Variants in KCNH6 observed in about 807,000 individuals in gnomAD.
KCNH6 encodes potassium voltage-gated channel subfamily H member 6, also known as voltage-gated inwardly rectifying potassium channel KCNH6.
KCNH6 carries 81 observed loss-of-function variants against 83.4 expected under a neutral mutation model. That is an observed-to-expected ratio of 0.97 (90% confidence interval 0.81 to 1.17). The LOEUF (loss-of-function observed/expected upper bound fraction) is 1.17, where lower values mean the gene tolerates loss of function less well. Ranked by LOEUF, KCNH6 falls within the 50% of genes most tolerant of loss-of-function variation. The pLI is 0.00. For synonymous variants in KCNH6, 503 were observed against 545.6 expected (o/e 0.92, Z 1.09); for missense variants, 1,203 against 1,290.5 (o/e 0.93, Z 1.04).
intron 2 of KCNH6, among the ~76,000 whole-genome samples, chr17:63,529,016 G>C (rs555639857): frequency 6.6e-6 from 1 of 152,108 alleles, no homozygotes; most frequent in African/African-American, 2.4e-5. Context: ...TGTATTTTTA[G>C]TACAGACGGG....
intron 12 of KCNH6, 24 bp downstream of exon 12, chr17:63,545,288 G>A (rs766139442): frequency 2.5e-6 from 4 of 1,608,964 alleles, no homozygotes; most frequent in Non-Finnish European, 3.4e-6. Flanking sequence ...GGATTCCCAG[G>A]GGCTTACCTG....
chr17:63,525,551 G>A (rs552788389), intron 2 of KCNH6, among the ~76,000 whole-genome samples: 1 of 152,288 alleles, frequency 6.6e-6, no homozygotes, highest in African/African-American at 2.4e-5. Context: ...CAGGGGCCTG[G>A]AGTGTGTGAA....
At chr17:63,532,878 C>T (rs2032216547) in intron 4 of KCNH6, among the ~76,000 whole-genome samples, 1 of 152,004 alleles carries the variant, frequency 6.6e-6, no homozygotes, top group Non-Finnish European at 1.5e-5. Context: ...TAGAGCAGCA[C>T]CTGCCATCTC....
At chr17:63,546,844 C>T (rs2033158587), downstream of KCNH6, 1 of 152,120 alleles carries the variant, frequency 6.6e-6, no homozygotes, top group Non-Finnish European at 1.5e-5. Flanking sequence ...GTGTTGGGGA[C>T]CTGAAGGTGG....
downstream of KCNH6, among the ~76,000 whole-genome samples, chr17:63,548,393 A>G (rs1156342428): frequency 6.6e-6 from 1 of 152,188 alleles, no homozygotes; most frequent in Non-Finnish European, 1.5e-5. Flanking sequence ...ACAAAAAATA[A>G]AGGAGGCAGG....
intron 8 of KCNH6, among the ~76,000 whole-genome samples, chr17:63,540,135 C>T (rs2032773817): frequency 6.6e-6 from 1 of 152,164 alleles, no homozygotes; most frequent in Admixed American, 6.5e-5. Flanking sequence ...CCCAGCCTAC[C>T]TTAGACGTGC....
intron 2 of KCNH6, 59 bp downstream of exon 2, chr17:63,524,428 G>T: frequency 6.7e-7 from 1 of 1,481,932 alleles, no homozygotes; most frequent in Non-Finnish European, 9.3e-7. Flanking sequence ...GTCTTGTCCA[G>T]CCAGGGTGGC....
chr17:63,536,177 G>T (rs1033034485), intron 6 of KCNH6, 109 bp downstream of exon 6: 18 of 975,562 alleles, frequency 1.8e-5, no homozygotes, highest in African/African-American at 4.8e-5. Flanking sequence ...AACAATTCAT[G>T]CAGTACACTG....
At chr17:63,545,347 C>A in intron 12 of KCNH6, 83 bp downstream of exon 12, 1 of 1,409,054 alleles carries the variant, frequency 7.1e-7, no homozygotes, top group Non-Finnish European at 9.8e-7. Flanking sequence ...AGTGCAGCAT[C>A]AGGCCCAGAG....
chr17:63,543,619 G>A lies in KCNH6; in HGVS notation c.2192G>A (p.Ser731Asn). The A allele has an allele frequency of 6.2e-7, 1 of 1,613,262 alleles. No individual in the cohort carries two copies. Among genetic ancestry groups the A allele is most frequent in the Non-Finnish European group, 8.5e-7 (1 of 1,179,674 alleles). ...TCATCCCCCCGACAGGCTCCTGGCA[G>A]CCAAGACCACCAAGGTTTCTTTCTC... ...LHSSPRQAPGSQDHQGFFLSD... is the reference protein window; with the variant it reads ...LHSSPRQAPGNQDHQGFFLSD... The change falls in exon 10 of 13, where the codon AGC (serine) becomes AAC (asparagine). Residue 731 changes from serine (S) to asparagine (N), a missense_variant. Transcript: ENST00000314672.
chr17:63,529,127 G>A (rs963855097), intron 2 of KCNH6, among the ~76,000 whole-genome samples: 1 of 152,200 alleles, frequency 6.6e-6, no homozygotes, highest in Non-Finnish European at 1.5e-5. Context: ...GAGCCACCAC[G>A]CCCGGCCAGG....
chr17:63,528,321 C>T (rs914499594), intron 2 of KCNH6, among the ~76,000 whole-genome samples: 4 of 152,110 alleles, frequency 2.6e-5, no homozygotes, highest in Non-Finnish European at 4.4e-5. Flanking sequence ...AGCAGGCAGG[C>T]GCCTCTCCCC....
chr17:63,535,161 A>G lies in KCNH6; in HGVS notation c.1102-508A>G, dbSNP rs1311235059. Among the ~76,000 whole-genome samples the G allele has an allele frequency of 1.3e-5, 2 of 152,208 alleles. No homozygotes were observed. The highest frequency in any genetic ancestry group is 4.8e-5 in the African/African-American group (2 of 41,450). On this transcript the variant is annotated intron_variant, in intron 5 of 12. Transcript: ENST00000314672. This position sits in a 1 kb window ranked among gnomAD's most constrained non-coding sequence, Gnocchi z 4.9. ...AAGCCAAGTTCATGATGGACCCTGA[A>G]GCCCACAGGCAGCAGCCCCTGCCCG...
Position 63,544,048 on chromosome 17 carries a change from A to G in KCNH6, c.2234-201A>G, listed in dbSNP as rs377348177. ...GAGCTGGGGCCCCAGTTCCCCTCTAAGGGCTACAGCCTCCTGGGTCCTGGG... is the reference window on the plus strand; with the variant it reads ...GAGCTGGGGCCCCAGTTCCCCTCTAGGGGCTACAGCCTCCTGGGTCCTGGG... On this transcript the variant is annotated intron_variant, in intron 10 of 12. Coordinates refer to ENST00000314672, the MANE Select transcript of KCNH6 (RefSeq NM_001278919.2). 1.7e-4 allele frequency: 276 copies of G among 1,598,588 alleles called. No homozygotes were observed. The highest frequency in any genetic ancestry group is 2.3e-4 in the Non-Finnish European group (265 of 1,172,832).
Position 63,534,103 on chromosome 17 carries a change from G to T in KCNH6, c.893G>T (p.Ser298Ile). Residue 298 changes from serine (S) to isoleucine (I), a missense_variant, in exon 5 of 13, where the codon AGT (serine) becomes ATT (isoleucine). Transcript: ENST00000314672. The surrounding 1 kb of genome is among the most constrained non-coding windows in gnomAD (Gnocchi z 5.0). ...CGTGGGGCCTGCAGCTATACCTGCAGTCCCCTCACTGTGGTGGATCTCATC... is the reference window on the plus strand; with the variant it reads ...CGTGGGGCCTGCAGCTATACCTGCATTCCCCTCACTGTGGTGGATCTCATC... ...SRRGACSYTC[S>I]PLTVVDLIVD... is the part of the protein sequence containing the mutation. 7.0e-7 allele frequency: 1 copy of T among 1,428,736 alleles called. No homozygotes were observed. The highest frequency in any genetic ancestry group is 2.2e-4 in the Middle Eastern group (1 of 4,626). 88.5% of individuals were successfully genotyped at this position (1,428,736 alleles called of 1,614,324 possible).
Position 63,538,302 on chromosome 17 carries a change from G to GC in KCNH6, c.1701+38_1701+39insC, listed in dbSNP as rs773698656. The GC allele has an allele frequency of 1.6e-5, 25 of 1,611,962 alleles. No homozygotes were observed. Among genetic ancestry groups the GC allele is most frequent in the Middle Eastern group, 3.3e-4 (2 of 5,972 alleles). ...GCTCCGGCTAATGCCCCGGGCGTGG[G>GC]GGGGAGCCAAGATCCTGCGGGGGCG... On this transcript the variant is annotated intron_variant, in intron 7 of 12. Transcript: ENST00000314672. The surrounding 1 kb of genome is among the most constrained non-coding windows in gnomAD (Gnocchi z 4.0).
At chr17:63,544,558 C>T in intron 11 of KCNH6, 147 bp downstream of exon 11, 2 of 635,808 alleles carry the variant, frequency 3.1e-6, no homozygotes, top group Non-Finnish European at 2.4e-6. Flanking sequence ...AGCACAATTC[C>T]CCCAATGACT....
chr17:63,536,050 T>A lies in KCNH6; in HGVS notation c.1483T>A (p.Cys495Ser), dbSNP rs1597994947. 1 of 1,613,264 alleles carries A rather than the reference T, an allele frequency of 6.2e-7. No individual in the cohort carries two copies. The highest frequency in any genetic ancestry group is 8.5e-7 in the Non-Finnish European group (1 of 1,179,896). ...CAACTCCGAGAAGGTCTTCTCCATCTGCGTCATGCTCATCGGCTGTGAGTG... is the reference window on the plus strand; with the variant it reads ...CAACTCCGAGAAGGTCTTCTCCATCAGCGTCATGCTCATCGGCTGTGAGTG... ...NTNSEKVFSICVMLIGSLMYA... is the reference protein window; with the variant it reads ...NTNSEKVFSISVMLIGSLMYA... The change falls in exon 6 of 13, where the codon TGC (cysteine) becomes AGC (serine). Residue 495 changes from cysteine to serine, a missense_variant. By Grantham distance (112) the Cys-to-Ser change is moderately radical. Transcript: ENST00000314672.
intron 4 of KCNH6, among the ~76,000 whole-genome samples, chr17:63,532,738 A>G (rs2032205168): frequency 1.3e-5 from 2 of 152,136 alleles, no homozygotes; most frequent in Non-Finnish European, 2.9e-5. Context: ...ATTTTCCTAA[A>G]TCAGAACTAT....
Sources: gnomAD v4.1 joint callset for allele counts (sites outside exome capture counted in the v4.1 genomes callset) on GRCh38, gnomAD v4.1.1 for gene constraint, Gnocchi (gnomAD v3.1) non-coding constraint, MANE v1.5 for transcripts, NCBI Gene and HGNC (gene_info 2026-07-23, HGNC 2026-07-21) for gene names.